The following LUZP2 variants were observed in gnomAD, a reference collection of about 807,000 sequenced individuals.
The protein encoded by LUZP2 is leucine zipper protein 2.
LUZP2 carries 52 observed loss-of-function variants against 51.6 expected under a neutral mutation model. The ratio of observed to expected loss-of-function variants is 1.01; its 90% confidence interval spans 0.81 to 1.27. The LOEUF (loss-of-function observed/expected upper bound fraction) is 1.27. LUZP2 is among the 50% of genes most tolerant of loss of function. The pLI, the probability that LUZP2 is intolerant of heterozygous loss-of-function variation, is 0.00. For synonymous variants in LUZP2, 154 were observed against 137.3 expected (o/e 1.12, Z -0.85); for missense variants, 436 against 395.4 (o/e 1.10, Z -0.87).
intron 1 of LUZP2, among the ~76,000 whole-genome samples, chr11:24,711,437 G>C (rs182347911): frequency 1.4e-5 from 2 of 148,044 alleles, no homozygotes; most frequent in Non-Finnish European, 3.0e-5. Context: ...GCGACAGAGC[G>C]AGACTCCATC....
chr11:25,072,840 G>T (rs1369855921), intron 10 of LUZP2, among the ~76,000 whole-genome samples: 1 of 152,010 alleles, frequency 6.6e-6, no homozygotes, highest in Non-Finnish European at 1.5e-5. Flanking sequence ...ACACAATTTG[G>T]TGTCATCTTG....
intron 1 of LUZP2, among the ~76,000 whole-genome samples, chr11:24,697,444 A>C (rs1196997908): frequency 6.6e-6 from 1 of 152,232 alleles, no homozygotes; most frequent in Non-Finnish European, 1.5e-5. Flanking sequence ...CTTTGCAAAA[A>C]TTATTACAGT....
chr11:24,982,436 G>T (rs1347654903), intron 8 of LUZP2, among the ~76,000 whole-genome samples: 1 of 151,836 alleles, frequency 6.6e-6, no homozygotes, highest in Non-Finnish European at 1.5e-5. Flanking sequence ...CCATAAAAAA[G>T]AATGAGATCA....
chr11:24,650,592 G>T (rs2133961890), intron 1 of LUZP2, among the ~76,000 whole-genome samples: 1 of 152,178 alleles, frequency 6.6e-6, no homozygotes, highest in Middle Eastern at 3.4e-3. Flanking sequence ...CAGAAGCAAT[G>T]CATCCCAGAA....
intron 5 of LUZP2, among the ~76,000 whole-genome samples, chr11:24,772,066 A>T (rs531808049): frequency 3.3e-5 from 5 of 152,338 alleles, no homozygotes; most frequent in African/African-American, 1.2e-4. Flanking sequence ...ACCCCACAAT[A>T]TACAAAGACT....
At chr11:24,609,729 C>CAAAAAAA (rs34436907) in intron 1 of LUZP2, among the ~76,000 whole-genome samples, 4 of 65,896 alleles carry the variant, frequency 6.1e-5, no homozygotes, top group African/African-American at 2.9e-4. Context: ...GACTCCAGCT[C>CAAAAAAA]AAAAAAAAAA....
chr11:24,535,137 T>TA (rs11367062), intron 1 of LUZP2, among the ~76,000 whole-genome samples: 1 of 147,444 alleles, frequency 6.8e-6, no homozygotes, highest in African/African-American at 2.5e-5. Context: ...CTTCATTGCT[T>TA]AAAAAAAAAA....
At chr11:24,589,772 G>A (rs1853195858) in intron 1 of LUZP2, among the ~76,000 whole-genome samples, 1 of 152,044 alleles carries the variant, frequency 6.6e-6, no homozygotes, top group Non-Finnish European at 1.5e-5. Flanking sequence ...TTCTGACCTT[G>A]ACCTGTTGCC....
intron 1 of LUZP2, among the ~76,000 whole-genome samples, chr11:24,666,142 T>A (rs920547314): frequency 1.3e-5 from 2 of 151,904 alleles, no homozygotes; most frequent in African/African-American, 4.8e-5. Context: ...GAGCTAGAAA[T>A]GGGGGAAGGT....
intron 1 of LUZP2, among the ~76,000 whole-genome samples, chr11:24,689,584 T>A (rs903450363): frequency 6.6e-6 from 1 of 152,132 alleles, no homozygotes; most frequent in Admixed American, 6.6e-5. Flanking sequence ...TGCTTGACCA[T>A]CACTTGATAG....
At chr11:24,743,411 G>A (rs1366578535) in intron 4 of LUZP2, among the ~76,000 whole-genome samples, 1 of 151,906 alleles carries the variant, frequency 6.6e-6, no homozygotes, top group Non-Finnish European at 1.5e-5. Flanking sequence ...TTGCCTCCTT[G>A]GTTAGGTATA....
chr11:24,688,026 TC>T (rs1315140844), intron 1 of LUZP2, among the ~76,000 whole-genome samples: 1 of 152,056 alleles, frequency 6.6e-6, no homozygotes, highest in Admixed American at 6.6e-5. Flanking sequence ...TCTTTCTCTC[TC>T]TCTCTCTGTC....
chr11:24,894,697 G>A (rs111284609), intron 5 of LUZP2, among the ~76,000 whole-genome samples: 1 of 31,844 alleles, frequency 3.1e-5, no homozygotes. Context: ...ACACGACAAC[G>A]TGTCATTTGG....
intron 5 of LUZP2, among the ~76,000 whole-genome samples, chr11:24,897,693 C>A (rs144479708): frequency 6.6e-6 from 1 of 152,210 alleles, no homozygotes; most frequent in Non-Finnish European, 1.5e-5. Context: ...CTGTGGCTTC[C>A]TTCTTGAAGT....
At chr11:24,501,409 A>G (rs1849988943) in intron 1 of LUZP2, among the ~76,000 whole-genome samples, 1 of 152,252 alleles carries the variant, frequency 6.6e-6, no homozygotes, top group Admixed American at 6.5e-5. Context: ...TGAAAGGAAG[A>G]ACTTGACCTT....
At chr11:24,892,219 T>G in intron 5 of LUZP2, 1 of 985,586 alleles carries the variant, frequency 1.0e-6, no homozygotes, top group African/African-American at 1.7e-5. Flanking sequence ...AAAATGTGTA[T>G]TTCTCCCAGA....
chr11:24,678,103 T>C (rs1348389310), intron 1 of LUZP2, among the ~76,000 whole-genome samples: 1 of 147,178 alleles, frequency 6.8e-6, no homozygotes, highest in Non-Finnish European at 1.5e-5. Flanking sequence ...ACTACGTAGC[T>C]ATGTGTATTA....
At chr11:24,528,644 T>A (rs1850895416) in intron 1 of LUZP2, among the ~76,000 whole-genome samples, 1 of 151,180 alleles carries the variant, frequency 6.6e-6, no homozygotes, top group Non-Finnish European at 1.5e-5. Context: ...ATATTCAAAT[T>A]CATTTGCCTT....
intron 4 of LUZP2, among the ~76,000 whole-genome samples, chr11:24,739,997 A>G (rs1257576904): frequency 6.6e-6 from 1 of 152,028 alleles, no homozygotes; most frequent in Non-Finnish European, 1.5e-5. Context: ...CCTCCTCCCA[A>G]CACCGGACCT....
Sources: allele counts gnomAD v4.1 joint callset (sites outside exome capture counted in the v4.1 genomes callset), GRCh38; gene constraint gnomAD v4.1.1; transcripts MANE v1.5; gene names NCBI Gene and HGNC (gene_info 2026-07-23, HGNC 2026-07-21).